Variants in QKI observed in about 807,000 individuals in gnomAD.
The protein encoded by QKI is QKI, KH domain containing RNA binding, also known as KH domain-containing RNA-binding protein QKI.
A neutral mutation model predicts 39.0 loss-of-function variants in QKI; 10 were observed. The ratio of observed to expected loss-of-function variants is 0.26; its 90% CI spans 0.16 to 0.43. The LOEUF is 0.43. Among genes scored for constraint, QKI ranks in the 20% least tolerant of loss-of-function variants. QKI has a pLI of 1.00. For synonymous variants in QKI, 204 were observed against 155.4 expected, an observed-to-expected ratio of 1.31 and a Z score of -2.33; for missense variants, 218 against 428.0, an observed-to-expected ratio of 0.51 and a Z score of 4.33.
intron 4 of QKI, among the ~76,000 whole-genome samples, chr6:163,544,897 T>C (rs911809271): frequency 6.6e-6 from 1 of 152,148 alleles, no homozygotes; most frequent in South Asian, 2.1e-4. Context: ...TTTGTTTATA[T>C]ATTAATCTTT....
At position 163,508,205 on chromosome 6, in the gene QKI, G is replaced by GA. The variant is rs201473017; in HGVS notation, c.403-26769dup. Among the ~76,000 whole-genome samples the GA allele has an allele frequency of 3.8e-3, 579 of 151,736 alleles. 4 individuals are homozygous for GA. The highest frequency in any genetic ancestry group is 0.023 in the South Asian group (108 of 4,798). On this transcript the variant is annotated intron_variant, in intron 3 of 7. Coordinates refer to ENST00000361752, the MANE Select transcript of QKI (RefSeq NM_006775.3). ...TTAGAAAAAGAGGGTAAATAAGACT[G>GA]AAAAAAAATACTTGAAGAACTAATG...
intron 3 of QKI, among the ~76,000 whole-genome samples, chr6:163,502,473 C>T (rs1475020153): frequency 6.6e-6 from 1 of 152,010 alleles, no homozygotes; most frequent in Non-Finnish European, 1.5e-5. Flanking sequence ...AAGCACTTCT[C>T]GATGATTTAA....
chr6:163,495,463 A>C (rs1778349194), intron 3 of QKI, among the ~76,000 whole-genome samples: 1 of 152,140 alleles, frequency 6.6e-6, no homozygotes, highest in Admixed American at 6.5e-5. Flanking sequence ...ATCATTTGAG[A>C]GCAACTTGCA....
chr6:163,456,485 AAAG>A (rs1790925460), intron 2 of QKI, among the ~76,000 whole-genome samples: 1 of 152,214 alleles, frequency 6.6e-6, no homozygotes, highest in Non-Finnish European at 1.5e-5. Flanking sequence ...GCAGATGAAA[AAAG>A]GAGTTATTAT....
At position 163,415,199 on chromosome 6, in the gene QKI, C is replaced by T. The variant is rs1234989677; in HGVS notation, c.6C>T (p.Val2=). 5.7e-6 allele frequency: 9 copies of T among 1,575,458 alleles called. No individual in the cohort carries two copies. The highest frequency in any genetic ancestry group is 1.7e-4 in the Middle Eastern group (1 of 5,906). Residue 2 remains valine, a synonymous_variant, in exon 1 of 8, where the codon GTC becomes GTT. Transcript: ENST00000361752. ...TGAGCTGCGGAGCCTGGAATATGGT[C>T]GGGGAAATGGAAACGAAGGAGAAGC... M[V]GEMETKEKPK...
At chr6:163,564,358 C>A in intron 6 of QKI, 1 of 1,145,702 alleles carries the variant, frequency 8.7e-7, no homozygotes, top group Non-Finnish European at 1.1e-6. Context: ...TGTGGTATAG[C>A]CATTATAATC....
intron 1 of QKI, among the ~76,000 whole-genome samples, chr6:163,431,231 T>C (rs760251584): frequency 2.2e-4 from 33 of 152,184 alleles, no homozygotes; most frequent in Non-Finnish European, 3.5e-4. Flanking sequence ...CAGGTTTCAA[T>C]TGAAAGGAAG....
At chr6:163,510,392 C>G (rs1350207109) in intron 3 of QKI, among the ~76,000 whole-genome samples, 1 of 151,588 alleles carries the variant, frequency 6.6e-6, no homozygotes, top group East Asian at 1.9e-4. Context: ...AACCCTGCCT[C>G]TACTTAAAAA....
intron 4 of QKI, among the ~76,000 whole-genome samples, chr6:163,555,308 A>G (rs1782514729): frequency 6.6e-6 from 1 of 152,138 alleles, no homozygotes; most frequent in Non-Finnish European, 1.5e-5. Flanking sequence ...AAAATAGAAA[A>G]ACTGAGATAG....
intron 3 of QKI, among the ~76,000 whole-genome samples, chr6:163,487,286 C>A (rs1777743253): frequency 6.6e-6 from 1 of 152,080 alleles, no homozygotes; most frequent in Admixed American, 6.6e-5. Flanking sequence ...TTGCCTCTCT[C>A]CTTTCAAGAG....
chr6:163,576,239 A>C lies in QKI; in HGVS notation c.*5529A>C, dbSNP rs1414290628. On this transcript the variant is annotated 3_prime_UTR_variant, in exon 8 of 8. Transcript: ENST00000361752. Reference sequence around the variant, plus strand: ...AACATTATATGCACTCGTGCCTTCAATGTGGAATCAAACTGGTTAACCTCA... The same window carrying C: ...AACATTATATGCACTCGTGCCTTCACTGTGGAATCAAACTGGTTAACCTCA... 6.6e-6 allele frequency: 1 copy of C among 152,180 alleles called. No individual in the cohort carries two copies. The highest frequency in any genetic ancestry group is 1.5e-5 in the Non-Finnish European group (1 of 68,038). 9.4% of individuals were successfully genotyped at this position (152,180 alleles called of 1,614,324 possible).
At chr6:163,419,942 C>T (rs887574848) in intron 1 of QKI, among the ~76,000 whole-genome samples, 1 of 152,286 alleles carries the variant, frequency 6.6e-6, no homozygotes, top group East Asian at 1.9e-4. Context: ...TCACTAGTCA[C>T]TGTCGCTGTC....
At chr6:163,565,777 C>G in intron 6 of QKI, 1 of 1,290,626 alleles carries the variant, frequency 7.7e-7, no homozygotes, top group Non-Finnish European at 9.9e-7. Context: ...AATTTGCACA[C>G]AGATAACATG....
At chr6:163,548,405 AC>A (rs1330956258) in intron 4 of QKI, among the ~76,000 whole-genome samples, 2 of 152,172 alleles carry the variant, frequency 1.3e-5, no homozygotes, top group East Asian at 3.9e-4. Context: ...CAAGTCACTT[AC>A]CCCTTTTTGC....
chr6:163,464,525 G>T (rs1286935252), intron 2 of QKI, among the ~76,000 whole-genome samples: 4 of 151,994 alleles, frequency 2.6e-5, no homozygotes, highest in African/African-American at 9.7e-5. Flanking sequence ...TGATACCATA[G>T]AAATAATAAG....
intron 1 of QKI, among the ~76,000 whole-genome samples, chr6:163,420,692 A>G (rs749706842): frequency 4.6e-5 from 7 of 152,200 alleles, no homozygotes; most frequent in African/African-American, 1.7e-4. Context: ...CTTTTAGGGA[A>G]TATTTATACC....
intron 3 of QKI, among the ~76,000 whole-genome samples, chr6:163,498,377 G>A (rs1253325534): frequency 5.9e-5 from 9 of 152,004 alleles, no homozygotes; most frequent in Admixed American, 5.9e-4. Context: ...ATAAAAGTTT[G>A]GACAAATAAT....
intron 1 of QKI, among the ~76,000 whole-genome samples, chr6:163,445,841 C>G (rs1790113470): frequency 6.6e-6 from 1 of 152,176 alleles, no homozygotes; most frequent in Non-Finnish European, 1.5e-5. Context: ...GTCTCGATCT[C>G]CTGACCTCCT....
intron 3 of QKI, among the ~76,000 whole-genome samples, chr6:163,483,350 T>A (rs905593373): frequency 5.3e-5 from 8 of 152,158 alleles, no homozygotes; most frequent in African/African-American, 1.9e-4. Context: ...GACGATTGCT[T>A]AAAATAAGAA....
Sources: allele counts gnomAD v4.1 joint callset (sites outside exome capture counted in the v4.1 genomes callset), GRCh38; gene constraint gnomAD v4.1.1; transcripts MANE v1.5; gene names NCBI Gene and HGNC (gene_info 2026-07-23, HGNC 2026-07-21).